Variants in TENM2 observed in about 807,000 individuals in gnomAD.
TENM2 encodes the protein teneurin transmembrane protein 2.
TENM2 carries 52 observed loss-of-function variants against 245.2 expected under a neutral mutation model. That is an observed-to-expected ratio of 0.21 (90% CI 0.17 to 0.27). The LOEUF is 0.27. Ranked by LOEUF, TENM2 falls within the 10% of genes least tolerant of loss-of-function variation. TENM2 has a pLI of 1.00. For synonymous variants in TENM2, 1,363 were observed against 1,438.9 expected (o/e 0.95, Z 1.19); for missense variants, 3,046 against 3,666.8 (o/e 0.83, Z 4.37).
intron 2 of TENM2, among the ~76,000 whole-genome samples, chr5:167,640,521 G>A (rs1285872688): frequency 6.6e-6 from 1 of 151,646 alleles, no homozygotes; most frequent in African/African-American, 2.4e-5. Context: ...GGGAGGCTGA[G>A]GCAGGAGAAT....
At chr5:167,113,477 C>CA in the TENM2 span, among the ~76,000 whole-genome samples, 2 of 151,598 alleles carry the variant, frequency 1.3e-5, no homozygotes, top group Non-Finnish European at 2.9e-5. Context: ...CCCATCTCTA[C>CA]AAAAAAATAC....
chr5:167,518,187 G>T (rs1335127788), intron 2 of TENM2, among the ~76,000 whole-genome samples: 1 of 151,764 alleles, frequency 6.6e-6, no homozygotes, highest in Non-Finnish European at 1.5e-5. Context: ...AATAGTTTAA[G>T]TTCATTTGTC....
chr5:167,625,791 C>T (rs1046644491), intron 2 of TENM2, among the ~76,000 whole-genome samples: 2 of 152,154 alleles, frequency 1.3e-5, no homozygotes, highest in Non-Finnish European at 1.5e-5. Flanking sequence ...CAGCTGAGGT[C>T]ATCTGAAGGC....
chr5:167,811,375 A>G (rs891468348), intron 2 of TENM2, among the ~76,000 whole-genome samples: 1 of 151,352 alleles, frequency 6.6e-6, no homozygotes, highest in Non-Finnish European at 1.5e-5. Flanking sequence ...TGGCATGCAC[A>G]CTCCCTCCAC....
intron 5 of TENM2, among the ~76,000 whole-genome samples, chr5:167,998,775 A>G (rs955522635): frequency 2.0e-5 from 3 of 151,988 alleles, no homozygotes; most frequent in Non-Finnish European, 4.4e-5. Context: ...GCTGCTCAAC[A>G]CTCTGTCTTC....
At position 167,819,086 on chromosome 5, in the gene TENM2, G is replaced by A. The variant is rs572992908; in HGVS notation, c.503-56900G>A. 7.0e-3 allele frequency among the ~76,000 whole-genome samples: 1,070 copies of A among 151,958 alleles called. 7 individuals carry two copies. Among genetic ancestry groups the A allele is most frequent in the African/African-American group, 0.023 (963 of 41,370 alleles). On this transcript the variant is annotated intron_variant, in intron 2 of 28. Coordinates refer to ENST00000518659, the Ensembl canonical transcript of TENM2. ...TGTGTGTGTGTGTGTGTGTGTGTGC[G>A]TGCGCGTTCTCTAATGCTACTCTTC...
At chr5:168,039,067 A>G (rs1163345896) in intron 5 of TENM2, among the ~76,000 whole-genome samples, 3 of 152,106 alleles carry the variant, frequency 2.0e-5, no homozygotes, top group Non-Finnish European at 1.5e-5. Flanking sequence ...CCTAATTGGC[A>G]CACTCTGACC....
intron 1 of TENM2, among the ~76,000 whole-genome samples, chr5:167,362,227 G>A (rs893790660): frequency 2.6e-5 from 4 of 152,216 alleles, no homozygotes; most frequent in Non-Finnish European, 4.4e-5. Flanking sequence ...ATGCTAACAC[G>A]CACTAGGAAG....
intron 16 of TENM2, 47 bp downstream of exon 18, chr5:168,199,161 A>G: frequency 6.3e-7 from 1 of 1,577,048 alleles, no homozygotes; most frequent in Non-Finnish European, 8.7e-7. Flanking sequence ...TTCCCTAACG[A>G]AAACCAACTG....
intron 2 of TENM2, among the ~76,000 whole-genome samples, chr5:167,468,284 A>C (rs555784862): frequency 5.3e-5 from 8 of 152,222 alleles, no homozygotes; most frequent in Non-Finnish European, 1.0e-4. Flanking sequence ...CATGATGAGC[A>C]CAAACAGAAC....
chr5:167,819,584 A>G (rs971480736), intron 2 of TENM2, among the ~76,000 whole-genome samples: 3 of 152,182 alleles, frequency 2.0e-5, no homozygotes, highest in East Asian at 1.9e-4. Flanking sequence ...CTAGCTAGAC[A>G]CTGGGGGAAT....
At chr5:167,448,857 C>G (rs1313818156) in intron 2 of TENM2, among the ~76,000 whole-genome samples, 1 of 151,848 alleles carries the variant, frequency 6.6e-6, no homozygotes, top group African/African-American at 2.4e-5. Context: ...ATTTGCTAAG[C>G]CAAGTTCTTG....
chr5:167,704,077 A>G (rs1189139372), intron 2 of TENM2, among the ~76,000 whole-genome samples: 1 of 152,206 alleles, frequency 6.6e-6, no homozygotes, highest in Non-Finnish European at 1.5e-5. Flanking sequence ...GTTTCCTCAG[A>G]GAACTGTGTG....
At chr5:167,141,718 A>G in the TENM2 span, among the ~76,000 whole-genome samples, 1 of 152,268 alleles carries the variant, frequency 6.6e-6, no homozygotes, top group East Asian at 1.9e-4. Context: ...ATGAATGCTA[A>G]TAATATACTG....
chr5:167,365,919 A>G (rs1274839667), intron 1 of TENM2, among the ~76,000 whole-genome samples: 1 of 152,044 alleles, frequency 6.6e-6, no homozygotes, highest in Non-Finnish European at 1.5e-5. Context: ...AATGCTTATA[A>G]TAATAAAGAA....
chr5:168,232,541 G>A lies in TENM2; in HGVS notation c.5520+4411G>A, dbSNP rs116598686. ...CCCATGTGGAGAGCAGGGATTTGGA[G>A]AGAATGTGTGGGTATCATGCATGAA... is the stretch of plus-strand genomic sequence containing the variant. On this transcript the variant is annotated intron_variant, in intron 25 of 28. Transcript: ENST00000518659. Among the ~76,000 whole-genome samples the A allele has an allele frequency of 2.1e-3, 317 of 152,348 alleles. 1 individual carries two copies. Among genetic ancestry groups the A allele is most frequent in the African/African-American group, 6.9e-3 (286 of 41,588 alleles).
chr5:168,067,640 C>T (rs1432680098), intron 7 of TENM2, among the ~76,000 whole-genome samples: 1 of 152,164 alleles, frequency 6.6e-6, no homozygotes, highest in African/African-American at 2.4e-5. Context: ...CCTAAGTAAG[C>T]AAACCTGCAC....
At chr5:167,459,985 C>T (rs900165362) in intron 2 of TENM2, among the ~76,000 whole-genome samples, 1 of 151,558 alleles carries the variant, frequency 6.6e-6, no homozygotes, top group African/African-American at 2.4e-5. Flanking sequence ...ATACAAACAT[C>T]AAATAAACTT....
At chr5:167,585,736 A>G (rs1164455622) in intron 2 of TENM2, among the ~76,000 whole-genome samples, 1 of 152,116 alleles carries the variant, frequency 6.6e-6, no homozygotes, top group Non-Finnish European at 1.5e-5. Flanking sequence ...TCAAATAATA[A>G]AATTTTTATT....
Sources: allele counts gnomAD v4.1 joint callset (sites outside exome capture counted in the v4.1 genomes callset), GRCh38; gene constraint gnomAD v4.1.1; transcripts MANE v1.5; gene names NCBI Gene and HGNC (gene_info 2026-07-23, HGNC 2026-07-21).